FXYD6: variants seen among roughly 807,000 people sequenced by gnomAD.
FXYD6 encodes the protein FXYD domain containing ion transport regulator 6.
Under a neutral mutation model 16.7 loss-of-function variants are expected in FXYD6, and 7 were observed. That is an observed-to-expected ratio of 0.42 (90% CI 0.24 to 0.79). The LOEUF (loss-of-function observed/expected upper bound fraction) is 0.79, where lower values mean the gene tolerates loss of function less well. Ranked by LOEUF, FXYD6 falls within the 30% of genes least tolerant of loss-of-function variation. The pLI is 0.28. For synonymous variants in FXYD6, 49 were observed against 43.0 expected, an observed-to-expected ratio of 1.14 and a Z score of -0.54; for missense variants, 111 against 116.2, an observed-to-expected ratio of 0.95 and a Z score of 0.21.
intron 1 of FXYD6, among the ~76,000 whole-genome samples, chr11:117,859,091 T>G (rs551272622): frequency 6.6e-6 from 1 of 150,708 alleles, no homozygotes; most frequent in African/African-American, 2.4e-5. Flanking sequence ...TGTGTCATTT[T>G]CAACCCCTTC....
At chr11:117,876,841 G>A (rs1037063778), upstream of FXYD6, 1 of 152,322 alleles carries the variant, frequency 6.6e-6, no homozygotes, top group Non-Finnish European at 1.5e-5. Context: ...GCCGCGCGCA[G>A]ACCCCCTCTC....
chr11:117,863,887 G>T (rs1056210792), intron 1 of FXYD6, among the ~76,000 whole-genome samples: 1 of 152,008 alleles, frequency 6.6e-6, no homozygotes, highest in Non-Finnish European at 1.5e-5. Context: ...AAAATATTTA[G>T]AAATTAACCA....
intron 1 of FXYD6, among the ~76,000 whole-genome samples, chr11:117,856,611 G>C (rs545249691): frequency 1.3e-5 from 2 of 152,134 alleles, no homozygotes; most frequent in Non-Finnish European, 2.9e-5. Flanking sequence ...TAGTCTAAAT[G>C]GTTACCCTAG....
chr11:117,858,770 TTCCTTCC>T (rs377663243), intron 1 of FXYD6, among the ~76,000 whole-genome samples: 14,265 of 133,820 alleles, frequency 0.11, 2,401 homozygotes, highest in Admixed American at 0.17. Context: ...CCTTCCTTCC[TTCCTTCC>T]TTCTTTCTTT....
At chr11:117,841,730 C>T in intron 4 of FXYD6, 61 bp downstream of exon 4, 1 of 1,598,584 alleles carries the variant, frequency 6.3e-7, no homozygotes, top group Non-Finnish European at 8.6e-7. Context: ...TCACACTGTC[C>T]CCACCTGCTT....
intron 1 of FXYD6, among the ~76,000 whole-genome samples, chr11:117,853,082 G>A (rs1459963630): frequency 1.3e-5 from 2 of 152,144 alleles, no homozygotes; most frequent in African/African-American, 4.8e-5. Flanking sequence ...TTCTGTATCT[G>A]ATAATTCCAA....
chr11:117,841,516 C>A, intron 4 of FXYD6: 1 of 590,196 alleles, frequency 1.7e-6, no homozygotes, highest in African/African-American at 1.9e-5. Flanking sequence ...TCCGTGACTG[C>A]CCCATTCATG....
chr11:117,867,370 A>C (rs897806159), intron 1 of FXYD6, among the ~76,000 whole-genome samples: 1 of 152,142 alleles, frequency 6.6e-6, no homozygotes, highest in Admixed American at 6.5e-5. Context: ...ATCTGTGGCA[A>C]AGTCCTAGCC....
intron 1 of FXYD6, among the ~76,000 whole-genome samples, chr11:117,853,189 G>A (rs557586549): frequency 1.9e-4 from 29 of 152,258 alleles, no homozygotes; most frequent in African/African-American, 6.7e-4. Flanking sequence ...ATATTCGATT[G>A]TGAGCTCATA....
In FXYD6 at chr11:117,870,061, A is replaced by T. The variant is rs1388343534; in HGVS notation, c.-6+6531T>A. Among the ~76,000 whole-genome samples the T allele has an allele frequency of 6.6e-6, 1 of 152,176 alleles. No homozygotes were observed. The highest frequency in any genetic ancestry group is 1.5e-5 in the Non-Finnish European group (1 of 68,014). On this transcript the variant is annotated intron_variant, in intron 1 of 7. Coordinates refer to ENST00000526014, the MANE Select transcript of FXYD6 (RefSeq NM_022003.4). This position sits in a 1 kb window ranked among gnomAD's most constrained non-coding sequence, Gnocchi z 4.2. ...TGCTGTCACCTCACCATCACTGACA[A>T]CCGTGACACTGTGGCATCCCAGCCA...
Position 117,836,992 on chromosome 11 carries a change from G to T in FXYD6, c.*1307C>A, listed in dbSNP as rs2056214390. The T allele has an allele frequency of 6.6e-6, 1 of 152,190 alleles. No individual in the cohort carries two copies. The highest frequency in any genetic ancestry group is 2.4e-5 in the African/African-American group (1 of 41,436). 9.4% of individuals were successfully genotyped at this position (152,190 alleles called of 1,614,324 possible). A position where few individuals can be genotyped will look rare whatever the true frequency, so the allele number is the denominator to read the frequency against. On this transcript the variant is annotated 3_prime_UTR_variant, in exon 8 of 8. Coordinates refer to ENST00000526014, the MANE Select transcript of FXYD6 (RefSeq NM_022003.4). ...CACCTCCGAGCCACTAGGAAACAAAGGATATTTTATTCCTTTTTTCTGTTG... is the reference window on the plus strand; with the variant it reads ...CACCTCCGAGCCACTAGGAAACAAATGATATTTTATTCCTTTTTTCTGTTG...
At chr11:117,838,404 A>T in intron 7 of FXYD6, 127 bp from the exon 8 acceptor site, 1 of 677,634 alleles carries the variant, frequency 1.5e-6, no homozygotes. Flanking sequence ...TGAGACGCAG[A>T]GAAAGGAGAC....
chr11:117,844,661 A>AT (rs1290612418), intron 1 of FXYD6, among the ~76,000 whole-genome samples: 6 of 151,732 alleles, frequency 4.0e-5, no homozygotes, highest in African/African-American at 1.2e-4. Flanking sequence ...CACCCAGCTA[A>AT]TTTTTTGTAT....
intron 1 of FXYD6, among the ~76,000 whole-genome samples, chr11:117,859,162 A>C (rs2056846401): frequency 6.6e-6 from 1 of 152,138 alleles, no homozygotes; most frequent in South Asian, 2.1e-4. Context: ...CCTGCCTCCT[A>C]GACACTGTGC....
chr11:117,869,714 A>C (rs961081812), intron 1 of FXYD6, among the ~76,000 whole-genome samples: 1 of 152,252 alleles, frequency 6.6e-6, no homozygotes, highest in Non-Finnish European at 1.5e-5. Context: ...AAAATAACTG[A>C]CTGTGAAAAG....
In FXYD6 at chr11:117,838,065, AC is replaced by A; in HGVS notation, c.*233del. ...GTCACACACACACACACACACACAC[AC>A]ATCACGGGAGGTGGGCAGGACCGCA... On this transcript the variant is annotated 3_prime_UTR_variant, in exon 8 of 8. Transcript: ENST00000526014. The A allele has an allele frequency of 3.0e-6, 2 of 665,700 alleles. No individual in the cohort carries two copies. The highest frequency in any genetic ancestry group is 2.7e-6 in the Non-Finnish European group (1 of 365,426). 41.2% of individuals were successfully genotyped at this position (665,700 alleles called of 1,614,324 possible).
At chr11:117,850,043 C>T (rs1348309686) in intron 1 of FXYD6, among the ~76,000 whole-genome samples, 1 of 152,186 alleles carries the variant, frequency 6.6e-6, no homozygotes, top group Non-Finnish European at 1.5e-5. Flanking sequence ...TGCCACAAAC[C>T]CTGACTACGC....
intron 1 of FXYD6, among the ~76,000 whole-genome samples, chr11:117,874,739 A>G (rs57315249): frequency 6.6e-6 from 1 of 152,244 alleles, no homozygotes; most frequent in Non-Finnish European, 1.5e-5. Context: ...GAGCAGCGGC[A>G]GTGGAGAGAT....
intron 1 of FXYD6, among the ~76,000 whole-genome samples, chr11:117,866,141 G>A (rs2134198759): frequency 4.4e-5 from 2 of 45,318 alleles, no homozygotes; most frequent in East Asian, 1.7e-3. Flanking sequence ...CACCGGGAAG[G>A]GGGGAAATGG....
Sources: gnomAD v4.1 joint callset for allele counts (sites outside exome capture counted in the v4.1 genomes callset) on GRCh38, gnomAD v4.1.1 for gene constraint, Gnocchi (gnomAD v3.1) non-coding constraint, MANE v1.5 for transcripts, NCBI Gene and HGNC (gene_info 2026-07-23, HGNC 2026-07-21) for gene names.